The following THSD7A variants were observed in gnomAD, a reference collection of about 807,000 sequenced individuals.
THSD7A encodes thrombospondin type 1 domain containing 7A.
In THSD7A, 96 loss-of-function variants were observed where a neutral mutation model predicts 231.3. The ratio of observed to expected loss-of-function variants is 0.41; its 90% confidence interval spans 0.35 to 0.49. THSD7A has a LOEUF of 0.49. THSD7A is among the 20% of genes least tolerant of loss of function. THSD7A has a pLI of 0.05. For missense variants in THSD7A, 2,290 were observed against 2,070.2 expected (o/e 1.11, Z -2.06); for synonymous variants, 940 against 743.3 (o/e 1.26, Z -4.30).
intron 1 of THSD7A, chr7:11,821,360 G>T: frequency 6.4e-6 from 4 of 627,306 alleles, no homozygotes; most frequent in Admixed American, 2.2e-5. Flanking sequence ...CTAATTTGAT[G>T]ACTTTTTATC....
intron 13 of THSD7A, among the ~76,000 whole-genome samples, chr7:11,434,882 C>A (rs1442487612): frequency 6.6e-6 from 1 of 151,972 alleles, no homozygotes; most frequent in Non-Finnish European, 1.5e-5. Context: ...TATATCCAAA[C>A]TCCTATATTC....
chr7:11,761,733 T>C (rs1472975010), intron 1 of THSD7A, among the ~76,000 whole-genome samples: 1 of 152,112 alleles, frequency 6.6e-6, no homozygotes, highest in African/African-American at 2.4e-5. Context: ...GATATCAGAA[T>C]TGCATTCCTT....
Position 11,412,773 on chromosome 7 carries a change from T to C in THSD7A, c.3565A>G (p.Arg1189Gly). The change falls in exon 18 of 28, where the codon AGG becomes GGG. Residue 1189 changes from arginine to glycine, a missense_variant. By Grantham distance (125) the Arg-to-Gly change is moderately radical. Transcript: ENST00000423059. ...LPCNQSSFRQ[R>G]SADPIRQPAD... ...GGTTGTCTGATGGGATCAGCTGACC[T>C]TTGCCGGAAACTGCTTTGATTGCAA... 3 of 1,613,106 alleles carry C rather than the reference T, an allele frequency of 1.9e-6. No individual in the cohort carries two copies. Among genetic ancestry groups the C allele is most frequent in the Non-Finnish European group, 2.5e-6 (3 of 1,179,426 alleles).
At chr7:11,710,003 T>A (rs1447549902) in intron 1 of THSD7A, among the ~76,000 whole-genome samples, 2 of 150,908 alleles carry the variant, frequency 1.3e-5, no homozygotes, top group Non-Finnish European at 3.0e-5. Flanking sequence ...ACTTCTTTAA[T>A]GTCATTATCT....
intron 2 of THSD7A, among the ~76,000 whole-genome samples, chr7:11,617,678 T>A (rs573503742): frequency 6.6e-6 from 1 of 152,326 alleles, no homozygotes; most frequent in South Asian, 2.1e-4. Context: ...GATTTACCTT[T>A]TATTAGATGT....
chr7:11,601,009 C>A (rs1780533058), intron 2 of THSD7A, among the ~76,000 whole-genome samples: 1 of 152,134 alleles, frequency 6.6e-6, no homozygotes, highest in Non-Finnish European at 1.5e-5. Context: ...TGATGCTAAC[C>A]ATGAAGCAAG....
At chr7:11,576,822 T>C (rs544787496) in intron 4 of THSD7A, among the ~76,000 whole-genome samples, 1 of 152,310 alleles carries the variant, frequency 6.6e-6, no homozygotes, top group Non-Finnish European at 1.5e-5. Flanking sequence ...AAGAAGTAGA[T>C]TTCTAGGCCA....
rs1425277936 is a variant in THSD7A at position 11,474,281 on chromosome 7, A to ATGAAGCT, written c.2252+52_2252+53insAGCTTCA. ...CATGAAGCCAGTGAAGCCTGAGCCA[A>ATGAAGCT]TCCTCTGCACAGGTGGCTACACGAT... On this transcript the variant is annotated intron_variant, in intron 8 of 27. Coordinates refer to ENST00000423059, the MANE Select transcript of THSD7A (RefSeq NM_015204.3). The surrounding 1 kb of genome is among the most constrained non-coding windows in gnomAD (Gnocchi z 4.1). 6.4e-5 allele frequency: 94 copies of ATGAAGCT among 1,469,326 alleles called. No individual in the cohort carries two copies. The highest frequency in any genetic ancestry group is 8.4e-5 in the Non-Finnish European group (90 of 1,073,544). 91.0% of individuals were successfully genotyped at this position (1,469,326 alleles called of 1,614,324 possible).
intron 13 of THSD7A, among the ~76,000 whole-genome samples, chr7:11,443,224 A>G (rs915555325): frequency 6.6e-6 from 1 of 152,132 alleles, no homozygotes; most frequent in Non-Finnish European, 1.5e-5. Flanking sequence ...TTCAGTATGC[A>G]TAACAAGCTA....
chr7:11,765,633 C>G lies in THSD7A; in HGVS notation c.190+66124G>C, dbSNP rs1022788225. On this transcript the variant is annotated intron_variant, in intron 1 of 27. Transcript: ENST00000423059. ...TTACATTTTCTTCATTCATTTTAGT[C>G]ACACATTCTGTCACTAAGTGAGATT... Among the ~76,000 whole-genome samples the G allele has an allele frequency of 5.9e-5, 9 of 152,202 alleles. No individual in the cohort carries two copies. In the East Asian group the frequency reaches 1.4e-3, roughly 23 times the overall value.
intron 4 of THSD7A, among the ~76,000 whole-genome samples, chr7:11,577,821 G>C (rs1197835555): frequency 1.3e-5 from 2 of 151,784 alleles, no homozygotes; most frequent in African/African-American, 4.8e-5. Flanking sequence ...AACAATCCGA[G>C]GGTTACTACA....
intron 9 of THSD7A, among the ~76,000 whole-genome samples, chr7:11,469,629 A>G (rs2128300819): frequency 6.6e-6 from 1 of 152,326 alleles, no homozygotes; most frequent in East Asian, 1.9e-4. Context: ...TTAATACAAT[A>G]AGATTTAGAA....
At chr7:11,778,943 TATATC>T (rs1377349550) in intron 1 of THSD7A, among the ~76,000 whole-genome samples, 1 of 152,154 alleles carries the variant, frequency 6.6e-6, no homozygotes, top group Non-Finnish European at 1.5e-5. Context: ...ATTTTATTCT[TATATC>T]AATCCTATGA....
chr7:11,542,954 TTACC>T lies in THSD7A; in HGVS notation c.1609+4_1609+7del, dbSNP rs748158467. The T allele has an allele frequency of 1.2e-6, 2 of 1,612,472 alleles. No individual in the cohort carries two copies. Among genetic ancestry groups the T allele is most frequent in the Admixed American group, 1.7e-5 (1 of 59,778 alleles). On this transcript the variant is annotated splice_donor_5th_base_variant and intron_variant, in intron 5 of 27. Coordinates refer to ENST00000423059, the MANE Select transcript of THSD7A (RefSeq NM_015204.3). ...GTATAAAAGGCATGTCATGGTCACGTTACCTACCTTTTTTCCCTTGCTGATCATT... is the reference window on the plus strand; with the variant it reads ...GTATAAAAGGCATGTCATGGTCACGTTACCTTTTTTCCCTTGCTGATCATT...
At chr7:11,409,046 CTTACA>C (rs1340633074) in intron 19 of THSD7A, among the ~76,000 whole-genome samples, 1 of 152,034 alleles carries the variant, frequency 6.6e-6, no homozygotes, top group Non-Finnish European at 1.5e-5. Context: ...TACTTTTTTC[CTTACA>C]TTGATCATAT....
chr7:11,567,312 G>C (rs1346819424), intron 4 of THSD7A, among the ~76,000 whole-genome samples: 1 of 152,038 alleles, frequency 6.6e-6, no homozygotes. Flanking sequence ...AGGGGGAAGA[G>C]CCCCTTATAA....
intron 1 of THSD7A, among the ~76,000 whole-genome samples, chr7:11,800,057 T>C (rs1001121270): frequency 2.6e-5 from 4 of 152,268 alleles, no homozygotes; most frequent in Admixed American, 1.3e-4. Context: ...AGGCGCTGGC[T>C]TCACTATGTG....
At chr7:11,681,802 T>C (rs1385010515) in intron 1 of THSD7A, among the ~76,000 whole-genome samples, 6 of 150,910 alleles carry the variant, frequency 4.0e-5, no homozygotes, top group African/African-American at 4.9e-5. Context: ...CCAAGACACA[T>C]AGTGAGCAGA....
chr7:11,706,701 A>G (rs1468217972), intron 1 of THSD7A, among the ~76,000 whole-genome samples: 1 of 138,492 alleles, frequency 7.2e-6, no homozygotes, highest in Non-Finnish European at 1.5e-5. Context: ...TTCTTAAATC[A>G]TGGTATATCC....
Sources: gnomAD v4.1 joint callset for allele counts (sites outside exome capture counted in the v4.1 genomes callset) on GRCh38, gnomAD v4.1.1 for gene constraint, Gnocchi (gnomAD v3.1) non-coding constraint, MANE v1.5 for transcripts, NCBI Gene and HGNC (gene_info 2026-07-23, HGNC 2026-07-21) for gene names.